Variants in BCAS3 observed in about 807,000 individuals in gnomAD.
BCAS3 encodes the protein BCAS4/BCAS3 fusion.
In BCAS3, 53 loss-of-function variants were observed where a neutral mutation model predicts 116.1. The observed-to-expected ratio is 0.46, with a 90% CI of 0.37 to 0.57. BCAS3 has a LOEUF of 0.57. Ranked by LOEUF, BCAS3 falls within the 20% of genes least tolerant of loss-of-function variation. BCAS3 has a pLI of 0.00. For missense variants in BCAS3, 917 were observed against 1,165.4 expected (o/e 0.79, Z 3.10); for synonymous variants, 391 against 408.2 (o/e 0.96, Z 0.51).
At position 61,287,791 on chromosome 17, in the gene BCAS3, C is replaced by T. The variant is rs147493134; in HGVS notation, c.2426-80536C>T. 4.2e-3 allele frequency among the ~76,000 whole-genome samples: 634 copies of T among 152,260 alleles called. 8 individuals are homozygous for T. Among genetic ancestry groups the T allele is most frequent in the African/African-American group, 0.014 (591 of 41,550 alleles). On this transcript the variant is annotated intron_variant, in intron 22 of 23. Transcript: ENST00000407086. Reference sequence around the variant, plus strand: ...AAAAAGTACACTTATTATTGACTTTCTGAAGAAAAAGCAGTAATAACAACA... The same window carrying T: ...AAAAAGTACACTTATTATTGACTTTTTGAAGAAAAAGCAGTAATAACAACA...
At chr17:60,799,520 GTTTGTTT>G (rs2047520381) in intron 6 of BCAS3, among the ~76,000 whole-genome samples, 2 of 117,644 alleles carry the variant, frequency 1.7e-5, no homozygotes, top group African/African-American at 7.4e-5. Flanking sequence ...TGAGATTAGT[GTTTGTTT>G]TTTTTTTTTT....
rs187629758 is a variant in BCAS3, at chr17:60,841,165, A to G, written c.477-27411A>G. ...TAAATGAAGTCATAATTTTACTTAT[A>G]CTGCTGAAATTTAATCAATGTCATT... On this transcript the variant is annotated intron_variant, in intron 7 of 23. Transcript: ENST00000407086. 2.8e-4 allele frequency among the ~76,000 whole-genome samples: 43 copies of G among 152,306 alleles called. 1 individual carries two copies. The highest frequency in any genetic ancestry group is 5.9e-4 in the Admixed American group (9 of 15,288).
chr17:60,929,002 T>C (rs974442817), intron 13 of BCAS3, among the ~76,000 whole-genome samples: 1 of 152,202 alleles, frequency 6.6e-6, no homozygotes, highest in Non-Finnish European at 1.5e-5. Context: ...TCCCTTAAAT[T>C]ATTATTTGTC....
intron 10 of BCAS3, among the ~76,000 whole-genome samples, chr17:60,900,797 T>A (rs1336487682): frequency 6.6e-6 from 1 of 152,174 alleles, no homozygotes; most frequent in African/African-American, 2.4e-5. Flanking sequence ...TGACTCATCT[T>A]TGATTTTGTT....
At chr17:61,298,821 T>C (rs141672743) in intron 22 of BCAS3, among the ~76,000 whole-genome samples, 4 of 133,596 alleles carry the variant, frequency 3.0e-5, no homozygotes, top group African/African-American at 6.1e-5. Context: ...TTTATTTATT[T>C]ATTATTATTA....
At chr17:60,904,399 G>T (rs903228711) in intron 11 of BCAS3, among the ~76,000 whole-genome samples, 2 of 148,042 alleles carry the variant, frequency 1.4e-5, no homozygotes. Flanking sequence ...GCGAGACTCT[G>T]TCTCAAAACA....
rs554356074 is a variant in BCAS3 at position 61,045,893 on chromosome 17, TA to T, written c.2029+5003del. 6.0e-4 allele frequency among the ~76,000 whole-genome samples: 23 copies of T among 38,048 alleles called. 2 individuals carry two copies. Among genetic ancestry groups the T allele is most frequent in the African/African-American group, 2.4e-3 (6 of 2,482 alleles). 25.0% of individuals were successfully genotyped at this position (38,048 alleles called of 152,430 possible). The stretch of plus-strand genomic sequence containing the variant: ...TATATATAAATATATATTATATATA[TA>T]ATATATATAAATATATATTTATATA... On this transcript the variant is annotated intron_variant, in intron 19 of 23. Transcript: ENST00000407086.
intron 6 of BCAS3, among the ~76,000 whole-genome samples, chr17:60,755,345 C>T (rs2042899794): frequency 6.6e-6 from 1 of 152,104 alleles, no homozygotes; most frequent in African/African-American, 2.4e-5. Flanking sequence ...ACATTATTAC[C>T]ACTTTTCCAC....
rs1454328321 is a variant in BCAS3, at chr17:60,851,654, A to T, written c.477-16922A>T. ...AGGGAAAACAGGCTGAAAGAAACTA[A>T]AGAAGATTTACCTGCAGAAAAGGGG... is the stretch of plus-strand genomic sequence containing the variant. On this transcript the variant is annotated intron_variant, in intron 7 of 23. Transcript: ENST00000407086. 16 of 741,522 alleles carry T rather than the reference A, an allele frequency of 2.2e-5. No individual in the cohort carries two copies. In the East Asian group the frequency reaches 4.1e-4, roughly 19 times the overall value. 45.9% of individuals were successfully genotyped at this position (741,522 alleles called of 1,614,324 possible).
chr17:60,799,708 C>CTTTTTTTT lies in BCAS3; in HGVS notation c.404-8276_404-8269dup, dbSNP rs67510415. ...TACGCCTGGCTAATTTTTTTCTTTT[C>CTTTTTTTT]TTTTTTTTTTTTTTTTTTTTTTTTT... On this transcript the variant is annotated intron_variant, in intron 6 of 23. Transcript: ENST00000407086. Among the ~76,000 whole-genome samples the CTTTTTTTT allele has an allele frequency of 2.5e-3, 124 of 49,844 alleles. 6 individuals carry two copies. The highest frequency in any genetic ancestry group is 8.4e-3 in the African/African-American group (107 of 12,796). 32.7% of individuals were successfully genotyped at this position (49,844 alleles called of 152,430 possible).
Position 61,282,576 on chromosome 17 carries a change from G to C in BCAS3, c.2426-85751G>C, listed in dbSNP as rs867356595. Among the ~76,000 whole-genome samples, 1 of 152,192 alleles carries C rather than the reference G, an allele frequency of 6.6e-6. No homozygotes were observed. The highest frequency in any genetic ancestry group is 2.4e-5 in the African/African-American group (1 of 41,446). The stretch of plus-strand genomic sequence containing the variant: ...GTGACTTCCTGTGTCAGCGAGGGAG[G>C]CTCCAAGGACAAGTTGAATGCCCAA... On this transcript the variant is annotated intron_variant, in intron 22 of 23. Coordinates refer to ENST00000407086, the MANE Select transcript of BCAS3 (RefSeq NM_017679.5). The surrounding 1 kb of genome is among the most constrained non-coding windows in gnomAD (Gnocchi z 5.9).
chr17:61,059,646 G>A (rs975930491), intron 19 of BCAS3, among the ~76,000 whole-genome samples: 3 of 152,172 alleles, frequency 2.0e-5, no homozygotes, highest in South Asian at 2.1e-4. Flanking sequence ...TGAAGAGAAA[G>A]CGTTTGTATT....
intron 7 of BCAS3, among the ~76,000 whole-genome samples, chr17:60,860,742 A>G (rs1004952175): frequency 1.3e-5 from 2 of 152,206 alleles, no homozygotes; most frequent in African/African-American, 4.8e-5. Flanking sequence ...TTTATTGAAT[A>G]GGGAGTTTTT....
chr17:60,770,188 A>G (rs894240477), intron 6 of BCAS3, among the ~76,000 whole-genome samples: 2 of 152,090 alleles, frequency 1.3e-5, no homozygotes, highest in East Asian at 1.9e-4. Context: ...TCAGTTCCGT[A>G]TGTTAGTCTT....
intron 19 of BCAS3, among the ~76,000 whole-genome samples, chr17:61,057,970 A>T (rs534487276): frequency 6.6e-6 from 1 of 151,962 alleles, no homozygotes; most frequent in African/African-American, 2.4e-5. Flanking sequence ...TTTATATTGA[A>T]GCCTCTTTTA....
At chr17:60,873,430 T>C (rs1036902) in intron 8 of BCAS3, among the ~76,000 whole-genome samples, 47,421 of 152,052 alleles carry the variant, frequency 0.31, 12,442 homozygotes, top group African/African-American at 0.72. Flanking sequence ...ATTTACCAGC[T>C]TCCAATTTTG....
intron 14 of BCAS3, among the ~76,000 whole-genome samples, chr17:60,973,715 C>G (rs1410295174): frequency 6.6e-6 from 1 of 151,698 alleles, no homozygotes; most frequent in African/African-American, 2.4e-5. Context: ...GCCTCAGCCT[C>G]CTGAGTGGCT....
At chr17:60,722,904 T>C (rs1250350714) in intron 5 of BCAS3, among the ~76,000 whole-genome samples, 2 of 151,888 alleles carry the variant, frequency 1.3e-5, no homozygotes, top group Admixed American at 1.3e-4. Flanking sequence ...TGACCAAAAA[T>C]GTGGCATGTG....
At chr17:61,329,433 C>T (rs1482791445) in intron 22 of BCAS3, among the ~76,000 whole-genome samples, 1 of 150,814 alleles carries the variant, frequency 6.6e-6, no homozygotes, top group African/African-American at 2.4e-5. Flanking sequence ...CTCCGCCTCC[C>T]GAGTTCACGC....
Sources: gnomAD v4.1 joint callset for allele counts (sites outside exome capture counted in the v4.1 genomes callset) on GRCh38, gnomAD v4.1.1 for gene constraint, Gnocchi (gnomAD v3.1) non-coding constraint, MANE v1.5 for transcripts, NCBI Gene and HGNC (gene_info 2026-07-23, HGNC 2026-07-21) for gene names.